Variants in AIG1 observed in about 807,000 individuals in gnomAD.
The protein encoded by AIG1 is androgen induced 1.
A neutral mutation model predicts 31.4 loss-of-function variants in AIG1; 23 were observed. The observed-to-expected ratio is 0.73, with a 90% CI of 0.53 to 1.04. The LOEUF (loss-of-function observed/expected upper bound fraction) is 1.04. Among genes scored for constraint, AIG1 ranks in the 50% least tolerant of loss-of-function variants. The pLI is 0.00. For synonymous variants in AIG1, 100 were observed against 110.5 expected (o/e 0.90, Z 0.60); for missense variants, 274 against 295.0 (o/e 0.93, Z 0.52).
intron 1 of AIG1, among the ~76,000 whole-genome samples, chr6:143,114,628 A>G (rs1781586677): frequency 6.6e-6 from 1 of 152,232 alleles, no homozygotes; most frequent in African/African-American, 2.4e-5. Flanking sequence ...CCACTTGAAT[A>G]AGTCAGTTAA....
At position 143,327,464 on chromosome 6, in the gene AIG1, C is replaced by T. The variant is rs1360216171; in HGVS notation, c.516-5818C>T. On this transcript the variant is annotated intron_variant, in intron 4 of 5. Transcript: ENST00000357847. The surrounding 1 kb of genome is among the most constrained non-coding windows in gnomAD (Gnocchi z 5.3). ...GAAGGAGATGGGAACTCCAGATTTG[C>T]GCATTGATACCAGGCCCAACAAAAC... The T allele has an allele frequency of 1.5e-5, 6 of 396,122 alleles. No individual in the cohort carries two copies. The highest frequency in any genetic ancestry group is 2.1e-5 in the South Asian group (1 of 46,768). The allele number at this position is 396,122 out of a possible 1,614,324, so 24.5% of individuals were successfully genotyped here. A position where few individuals can be genotyped will look rare whatever the true frequency, so the allele number is the denominator to read the frequency against.
intron 1 of AIG1, among the ~76,000 whole-genome samples, chr6:143,102,593 G>C (rs965264893): frequency 1.4e-5 from 2 of 147,082 alleles, no homozygotes; most frequent in Non-Finnish European, 3.0e-5. Flanking sequence ...ATATATATAG[G>C]GTCATAGAAC....
intron 3 of AIG1, among the ~76,000 whole-genome samples, chr6:143,170,403 C>T (rs1485025270): frequency 6.6e-6 from 1 of 151,846 alleles, no homozygotes; most frequent in Non-Finnish European, 1.5e-5. Flanking sequence ...TGTTATGATC[C>T]TTTGTATTTC....
At chr6:143,113,200 CAAAAAAGAAAAA>C (rs1484432585) in intron 1 of AIG1, among the ~76,000 whole-genome samples, 2 of 135,550 alleles carry the variant, frequency 1.5e-5, no homozygotes, top group East Asian at 2.2e-4. Context: ...GACCCTGTCT[CAAAAAAGAAAAA>C]AAAAAAGAGA....
In AIG1 at chr6:143,326,896, A is replaced by G. The variant is rs573813947; in HGVS notation, c.516-6386A>G. ...AAGAGGAACAGGAGCAAGATATGGG[A>G]TGGGGCCAAAGAGACCGATAGAAGC... On this transcript the variant is annotated intron_variant, in intron 4 of 5. Coordinates refer to ENST00000357847, the MANE Select transcript of AIG1 (RefSeq NM_016108.4). The surrounding 1 kb of genome is among the most constrained non-coding windows in gnomAD (Gnocchi z 4.5). Among the ~76,000 whole-genome samples, 3 of 152,288 alleles carry G rather than the reference A, an allele frequency of 2.0e-5. No individual in the cohort carries two copies. The highest frequency in any genetic ancestry group is 7.2e-5 in the African/African-American group (3 of 41,572).
intron 1 of AIG1, among the ~76,000 whole-genome samples, chr6:143,108,005 C>T (rs1780952408): frequency 6.6e-6 from 1 of 152,134 alleles, no homozygotes; most frequent in South Asian, 2.1e-4. Context: ...TTTAAGTTGG[C>T]TTATATGTTT....
intron 4 of AIG1, among the ~76,000 whole-genome samples, chr6:143,316,576 GACCAC>G (rs562450489): frequency 3.1e-4 from 47 of 151,804 alleles, no homozygotes; most frequent in Non-Finnish European, 6.0e-4. Flanking sequence ...GACAATCTAA[GACCAC>G]ACCTCAAAGA....
intron 1 of AIG1, among the ~76,000 whole-genome samples, chr6:143,119,802 T>C (rs944094545): frequency 2.0e-5 from 3 of 152,200 alleles, no homozygotes; most frequent in Admixed American, 1.3e-4. Flanking sequence ...AAAAGAAAGA[T>C]TGTTCTGACT....
rs1777359008 is a variant in AIG1 at position 143,334,946 on chromosome 6, T to TA, written c.679+1506dup. ...TTTTTAGCAGCTTTGAATGAGGAGTTAAAAATGAATAATGAAATTAAGGTT... is the reference window on the plus strand; with the variant it reads ...TTTTTAGCAGCTTTGAATGAGGAGTTAAAAAATGAATAATGAAATTAAGGTT... On this transcript the variant is annotated intron_variant, in intron 5 of 5. Coordinates refer to ENST00000357847, the MANE Select transcript of AIG1 (RefSeq NM_016108.4). This position sits in a 1 kb window ranked among gnomAD's most constrained non-coding sequence, Gnocchi z 5.1. 1.6e-6 allele frequency: 1 copy of TA among 638,330 alleles called. No homozygotes were observed. The highest frequency in any genetic ancestry group is 1.9e-5 in the African/African-American group (1 of 52,894). The allele number at this position is 638,330 out of a possible 1,614,324, so 39.5% of individuals were successfully genotyped here.
intron 4 of AIG1, among the ~76,000 whole-genome samples, chr6:143,315,307 T>C (rs1775648061): frequency 6.6e-6 from 1 of 152,024 alleles, no homozygotes; most frequent in Admixed American, 6.6e-5. Context: ...AGTTATTTTG[T>C]AGATAGCAAA....
chr6:143,303,189 G>T (rs530420881), intron 4 of AIG1, among the ~76,000 whole-genome samples: 2,623 of 151,562 alleles, frequency 0.017, 71 homozygotes, highest in African/African-American at 0.057. Context: ...TGTTCACTCT[G>T]ATGGTAGTTT....
At chr6:143,125,206 A>G (rs569904742) in intron 1 of AIG1, among the ~76,000 whole-genome samples, 1 of 152,210 alleles carries the variant, frequency 6.6e-6, no homozygotes, top group Admixed American at 6.5e-5. Context: ...ACTTCAGAAC[A>G]TGATCAAAGA....
intron 1 of AIG1, among the ~76,000 whole-genome samples, chr6:143,089,496 T>C (rs1779110535): frequency 6.6e-6 from 1 of 152,180 alleles, no homozygotes; most frequent in Non-Finnish European, 1.5e-5. Context: ...ACCTACCATA[T>C]AGGATTGTTG....
chr6:143,294,178 T>C (rs978681621), intron 4 of AIG1, among the ~76,000 whole-genome samples: 4 of 152,186 alleles, frequency 2.6e-5, no homozygotes, highest in African/African-American at 4.8e-5. Flanking sequence ...CATCACTTCA[T>C]TCTCCTGTAA....
rs1245797890 is a variant in AIG1 at position 143,333,089 on chromosome 6, T to C, written c.516-193T>C. On this transcript the variant is annotated intron_variant, in intron 4 of 5. Transcript: ENST00000357847. This position sits in a 1 kb window ranked among gnomAD's most constrained non-coding sequence, Gnocchi z 4.6. ...TGCTTCTTCTGTGAGTCTAAAATTA[T>C]TTCAGAATAAAAAGTAAATGAAAAT... Among the ~76,000 whole-genome samples, 1 of 152,248 alleles carries C rather than the reference T, an allele frequency of 6.6e-6. No homozygotes were observed. The highest frequency in any genetic ancestry group is 1.9e-4 in the East Asian group (1 of 5,202).
intron 1 of AIG1, among the ~76,000 whole-genome samples, chr6:143,087,258 C>T (rs1341874392): frequency 2.6e-5 from 4 of 152,060 alleles, no homozygotes; most frequent in Non-Finnish European, 5.9e-5. Flanking sequence ...GCGGGCTGCT[C>T]CCAAGGTGGT....
At chr6:143,203,462 T>C (rs201312078) in intron 3 of AIG1, among the ~76,000 whole-genome samples, 1 of 152,200 alleles carries the variant, frequency 6.6e-6, no homozygotes, top group African/African-American at 2.4e-5. Flanking sequence ...AATTTCAAGA[T>C]GCATGTAAAT....
chr6:143,200,949 A>G (rs547752984), intron 3 of AIG1, among the ~76,000 whole-genome samples: 189 of 152,242 alleles, frequency 1.2e-3, no homozygotes, highest in African/African-American at 4.3e-3. Flanking sequence ...TTTCCCATAG[A>G]CATTTCCTAT....
chr6:143,173,379 C>G (rs1001931300), intron 3 of AIG1, among the ~76,000 whole-genome samples: 18 of 152,064 alleles, frequency 1.2e-4, no homozygotes, highest in Admixed American at 3.3e-4. Context: ...CATGGCCTAC[C>G]TCATTTAATT....
Sources: gnomAD v4.1 joint callset for allele counts (sites outside exome capture counted in the v4.1 genomes callset) on GRCh38, gnomAD v4.1.1 for gene constraint, Gnocchi (gnomAD v3.1) non-coding constraint, MANE v1.5 for transcripts, NCBI Gene and HGNC (gene_info 2026-07-23, HGNC 2026-07-21) for gene names.